Variants in AGBL1 observed in about 807,000 individuals in gnomAD.
The protein encoded by AGBL1 is AGBL carboxypeptidase 1.
AGBL1 carries 130 observed loss-of-function variants against 118.9 expected under a neutral mutation model. That is an observed-to-expected ratio of 1.09 (90% CI 0.95 to 1.26). The LOEUF is 1.26. Ranked by LOEUF, AGBL1 falls within the 50% of genes most tolerant of loss-of-function variation. AGBL1 has a pLI of 0.00. For synonymous variants in AGBL1, 555 were observed against 478.9 expected (o/e 1.16, Z -2.08); for missense variants, 1,584 against 1,298.1 (o/e 1.22, Z -3.38).
chr15:86,429,077 C>T (rs996968791), intron 18 of AGBL1, among the ~76,000 whole-genome samples: 1 of 152,190 alleles, frequency 6.6e-6, no homozygotes, highest in Non-Finnish European at 1.5e-5. Context: ...CCTTTCCCTT[C>T]GCTCTGCCTC....
intron 18 of AGBL1, among the ~76,000 whole-genome samples, chr15:86,426,827 C>G (rs1400102931): frequency 6.6e-6 from 1 of 152,156 alleles, no homozygotes; most frequent in Non-Finnish European, 1.5e-5. Flanking sequence ...AGTGCAATGG[C>G]ACCATCTTGG....
At chr15:86,502,836 A>G (rs2082933130) in intron 18 of AGBL1, among the ~76,000 whole-genome samples, 1 of 151,318 alleles carries the variant, frequency 6.6e-6, no homozygotes, top group Admixed American at 6.6e-5. Context: ...TATTTTCTTG[A>G]GCATTTTGGG....
intron 18 of AGBL1, among the ~76,000 whole-genome samples, chr15:86,457,046 C>A (rs1174504154): frequency 6.6e-6 from 1 of 151,932 alleles, no homozygotes; most frequent in African/African-American, 2.4e-5. Flanking sequence ...GGACAAAATC[C>A]CTTTCATTAT....
At position 86,560,944 on chromosome 15, in the gene AGBL1, AGAAGTG is replaced by A. The variant is rs1567058237; in HGVS notation, c.2994+6408_2994+6413del. 1.6e-4 allele frequency among the ~76,000 whole-genome samples: 24 copies of A among 152,204 alleles called. 1 individual carries two copies. The highest frequency in any genetic ancestry group is 5.8e-4 in the African/African-American group (24 of 41,454). On this transcript the variant is annotated intron_variant, in intron 21 of 22. Coordinates refer to ENST00000614907, the MANE Select transcript of AGBL1 (RefSeq NM_001386094.1). ...TTGGCGGCATAAATGTCTTCTTTTG[AGAAGTG>A]TCTGTTCATATCATTTGCCCACTTT...
At chr15:86,944,580 C>T (rs767399561) in intron 23 of AGBL1, among the ~76,000 whole-genome samples, 11 of 151,948 alleles carry the variant, frequency 7.2e-5, no homozygotes, top group South Asian at 2.1e-4. Flanking sequence ...TCATAAGGGA[C>T]GCACAGTAGA....
chr15:86,953,204 G>A (rs2080896940), intron 23 of AGBL1, among the ~76,000 whole-genome samples: 1 of 152,082 alleles, frequency 6.6e-6, no homozygotes, highest in African/African-American at 2.4e-5. Context: ...TGTGAAAAAT[G>A]ACATTGGTAG....
At position 86,256,995 on chromosome 15, in the gene AGBL1, A is replaced by G; in HGVS notation, c.878A>G (p.Glu293Gly). The change falls in exon 8 of 23, where the codon GAA becomes GGA. Residue 293 changes from glutamate (E) to glycine (G), a missense_variant. Transcript: ENST00000614907. ...CCGGTCCCCGGGTGCATCACCACTGAACCTCCACATGATCTACCTGAAGGT... is the reference window on the plus strand; with the variant it reads ...CCGGTCCCCGGGTGCATCACCACTGGACCTCCACATGATCTACCTGAAGGT... ...AFPVPGCITT[E>G]PPHDLPEEDF... 6.2e-7 allele frequency: 1 copy of G among 1,613,930 alleles called. No individual in the cohort carries two copies. Among genetic ancestry groups the G allele is most frequent in the Non-Finnish European group, 8.5e-7 (1 of 1,179,850 alleles).
intron 22 of AGBL1, among the ~76,000 whole-genome samples, chr15:86,836,767 A>G (rs959132487): frequency 3.3e-5 from 5 of 151,952 alleles, no homozygotes; most frequent in African/African-American, 1.2e-4. Context: ...TAATCTTTTT[A>G]CAGGAGGTTT....
At chr15:87,015,994 G>C (rs2081605153) in intron 24 of AGBL1, among the ~76,000 whole-genome samples, 1 of 152,266 alleles carries the variant, frequency 6.6e-6, no homozygotes. Context: ...TTCTTGCTCT[G>C]CCTGTGGACT....
chr15:86,724,709 G>C (rs913641364), intron 22 of AGBL1, among the ~76,000 whole-genome samples: 6 of 152,100 alleles, frequency 3.9e-5, no homozygotes, highest in South Asian at 2.1e-4. Flanking sequence ...GGGAGGTGTT[G>C]GGGTCATGGG....
At chr15:86,648,069 C>T (rs745411158) in intron 21 of AGBL1, among the ~76,000 whole-genome samples, 34 of 152,272 alleles carry the variant, frequency 2.2e-4, no homozygotes, top group Middle Eastern at 3.4e-3. Flanking sequence ...GGACCATAAC[C>T]TGTAGCCTTT....
rs1022346749 is a variant in AGBL1, at chr15:86,471,504, T to G, written c.2556-51306T>G. Among the ~76,000 whole-genome samples, 222 of 151,980 alleles carry G rather than the reference T, an allele frequency of 1.5e-3. 1 individual carries two copies. The highest frequency in any genetic ancestry group is 4.9e-3 in the African/African-American group (204 of 41,506). On this transcript the variant is annotated intron_variant, in intron 18 of 22. Transcript: ENST00000614907. ...TCAAGGATATTGGCCTATAGTTTTT[T>G]TTTTTTTTTTTATAGCTTCCTCATC...
chr15:86,670,600 G>GACAGACACACAC (rs2085725892), intron 21 of AGBL1, among the ~76,000 whole-genome samples: 1 of 133,226 alleles, frequency 7.5e-6, no homozygotes, highest in Admixed American at 7.4e-5. Context: ...GTGAAACTCT[G>GACAGACACACAC]ACACACACAC....
intron 23 of AGBL1, among the ~76,000 whole-genome samples, chr15:86,955,777 C>T (rs16978114): frequency 0.065 from 9,926 of 152,056 alleles, 425 homozygotes; most frequent in South Asian, 0.19. Context: ...CAACTAGACT[C>T]GATTTTTAGT....
At chr15:86,845,845 T>G (rs2079309902) in intron 22 of AGBL1, among the ~76,000 whole-genome samples, 1 of 152,220 alleles carries the variant, frequency 6.6e-6, no homozygotes, top group Admixed American at 6.5e-5. Flanking sequence ...CCATTGTTCA[T>G]TCTCTCAATC....
chr15:86,661,073 G>T (rs2142515860), intron 21 of AGBL1, among the ~76,000 whole-genome samples: 1 of 152,268 alleles, frequency 6.6e-6, no homozygotes, highest in East Asian at 1.9e-4. Flanking sequence ...AAAACACTGT[G>T]CAGGGACAAG....
At chr15:86,847,343 A>G (rs2141450857) in intron 22 of AGBL1, among the ~76,000 whole-genome samples, 1 of 152,292 alleles carries the variant, frequency 6.6e-6, no homozygotes, top group African/African-American at 2.4e-5. Context: ...TTCTTACTGA[A>G]AGCTGGAAAA....
chr15:86,940,114 G>A (rs2080731858), intron 23 of AGBL1, among the ~76,000 whole-genome samples: 1 of 112,314 alleles, frequency 8.9e-6, no homozygotes, highest in African/African-American at 3.6e-5. Context: ...TCTCTGTGTT[G>A]CTCAGCCTGG....
chr15:86,554,619 A>G, intron 21 of AGBL1, 82 bp downstream of exon 21: 2 of 1,299,808 alleles, frequency 1.5e-6, no homozygotes, highest in Non-Finnish European at 2.0e-6. Context: ...CTGCTTTCTC[A>G]CCTAAAAGGG....
Sources: allele counts gnomAD v4.1 joint callset (sites outside exome capture counted in the v4.1 genomes callset), GRCh38; gene constraint gnomAD v4.1.1; transcripts MANE v1.5; gene names NCBI Gene and HGNC (gene_info 2026-07-23, HGNC 2026-07-21).